Variants in TAFA1 observed in about 807,000 individuals in gnomAD.
TAFA1 encodes the protein chemokine-like protein TAFA-1.
Under a neutral mutation model 18.5 loss-of-function variants are expected in TAFA1, and 4 were observed. The observed-to-expected ratio is 0.22, with a 90% CI of 0.11 to 0.49. TAFA1 has a LOEUF of 0.49. Among genes scored for constraint, TAFA1 ranks in the 20% least tolerant of loss-of-function variants. The pLI, the probability that TAFA1 is intolerant of heterozygous loss-of-function variation, is 0.98. For missense variants in TAFA1, 147 were observed against 169.0 expected, an observed-to-expected ratio of 0.87 and a Z score of 0.72; for synonymous variants, 56 against 55.2, an observed-to-expected ratio of 1.01 and a Z score of -0.06.
chr3:68,180,015 A>T (rs78357295), intron 2 of TAFA1, among the ~76,000 whole-genome samples: 5 of 140,078 alleles, frequency 3.6e-5, no homozygotes, highest in African/African-American at 1.1e-4. Flanking sequence ...ACATAATTTT[A>T]TTATTATTAT....
intron 3 of TAFA1, among the ~76,000 whole-genome samples, chr3:68,535,949 G>A (rs527309958): frequency 3.3e-4 from 51 of 152,280 alleles, no homozygotes; most frequent in African/African-American, 1.2e-3. Context: ...GTCCACTGAG[G>A]CATTATTAGG....
At chr3:68,412,122 G>A (rs1164150242) in intron 2 of TAFA1, among the ~76,000 whole-genome samples, 1 of 152,160 alleles carries the variant, frequency 6.6e-6, no homozygotes, top group Non-Finnish European at 1.5e-5. Flanking sequence ...TGAGCCTAAG[G>A]AAGATATGGC....
intron 3 of TAFA1, among the ~76,000 whole-genome samples, chr3:68,443,321 A>G (rs895337404): frequency 6.6e-6 from 1 of 151,888 alleles, no homozygotes; most frequent in African/African-American, 2.4e-5. Flanking sequence ...ATCTGTGCCT[A>G]CTTTTCCCAA....
intron 2 of TAFA1, among the ~76,000 whole-genome samples, chr3:68,171,659 A>G (rs1240941039): frequency 6.6e-6 from 1 of 152,220 alleles, no homozygotes; most frequent in Non-Finnish European, 1.5e-5. Context: ...AGCAATTACA[A>G]ATATGTTTAA....
intron 2 of TAFA1, among the ~76,000 whole-genome samples, chr3:68,225,321 T>C (rs562438507): frequency 6.6e-6 from 1 of 152,176 alleles, no homozygotes; most frequent in Non-Finnish European, 1.5e-5. Flanking sequence ...CAACCTGCAA[T>C]GTCTAATCGG....
chr3:68,030,206 T>C (rs1559709376), intron 2 of TAFA1, among the ~76,000 whole-genome samples: 1 of 152,026 alleles, frequency 6.6e-6, no homozygotes, highest in Non-Finnish European at 1.5e-5. Flanking sequence ...AAACACATTA[T>C]AAAAATAAAA....
At chr3:68,195,213 T>C (rs1435343616) in intron 2 of TAFA1, among the ~76,000 whole-genome samples, 1 of 151,140 alleles carries the variant, frequency 6.6e-6, no homozygotes, top group Non-Finnish European at 1.5e-5. Context: ...AATATAAAAA[T>C]GGATGTTTAA....
intron 2 of TAFA1, among the ~76,000 whole-genome samples, chr3:68,248,899 G>A (rs1234116624): frequency 6.6e-6 from 1 of 151,906 alleles, no homozygotes; most frequent in African/African-American, 2.4e-5. Context: ...GTAGGAAGGC[G>A]AATATGTTGT....
upstream of TAFA1, chr3:68,004,131 G>C (rs138821112): frequency 3.3e-5 from 5 of 152,278 alleles, no homozygotes; most frequent in South Asian, 8.3e-4. Flanking sequence ...ATGTTAAAGC[G>C]CTGCTTGAGT....
At chr3:68,474,345 T>C (rs1384143261) in intron 3 of TAFA1, among the ~76,000 whole-genome samples, 1 of 152,194 alleles carries the variant, frequency 6.6e-6, no homozygotes, top group Non-Finnish European at 1.5e-5. Flanking sequence ...GAAACACTTG[T>C]CCATTCATCC....
At chr3:68,444,806 AT>A (rs2071448332) in intron 3 of TAFA1, among the ~76,000 whole-genome samples, 4 of 108,178 alleles carry the variant, frequency 3.7e-5, no homozygotes, top group Non-Finnish European at 5.8e-5. Context: ...ATATATATAT[AT>A]ATATAAAATA....
intron 2 of TAFA1, among the ~76,000 whole-genome samples, chr3:68,101,570 T>G (rs1703501381): frequency 6.6e-6 from 1 of 152,252 alleles, no homozygotes; most frequent in East Asian, 1.9e-4. Context: ...AGGCTTTGAA[T>G]GACAAGTCAA....
At chr3:68,079,362 A>T (rs976681893) in intron 2 of TAFA1, among the ~76,000 whole-genome samples, 2 of 151,968 alleles carry the variant, frequency 1.3e-5, no homozygotes, top group Non-Finnish European at 2.9e-5. Flanking sequence ...TAGCTTTTGA[A>T]TGTGTTTTCT....
intron 2 of TAFA1, among the ~76,000 whole-genome samples, chr3:68,410,718 A>AAC (rs2070699165): frequency 6.7e-6 from 1 of 148,336 alleles, no homozygotes; most frequent in African/African-American, 2.5e-5. Context: ...AAAAAAAAAA[A>AAC]AAAAAAAAAA....
At chr3:68,121,937 G>T (rs571745119) in intron 2 of TAFA1, among the ~76,000 whole-genome samples, 1 of 152,170 alleles carries the variant, frequency 6.6e-6, no homozygotes, top group South Asian at 2.1e-4. Context: ...GAGGTATTTT[G>T]CATTCATTAA....
intron 3 of TAFA1, among the ~76,000 whole-genome samples, chr3:68,428,985 G>A (rs1236080935): frequency 2.0e-5 from 3 of 151,978 alleles, no homozygotes; most frequent in Non-Finnish European, 4.4e-5. Flanking sequence ...GTTATTGTGA[G>A]AATATACTTG....
intron 2 of TAFA1, among the ~76,000 whole-genome samples, chr3:68,054,676 C>G (rs1267475716): frequency 6.6e-6 from 1 of 152,208 alleles, no homozygotes; most frequent in Non-Finnish European, 1.5e-5. Context: ...GGTGAATAGT[C>G]ATAGCACATA....
chr3:68,288,327 TA>T (rs772521781), intron 2 of TAFA1, among the ~76,000 whole-genome samples: 1 of 152,132 alleles, frequency 6.6e-6, no homozygotes. Context: ...TTTGCTAAGG[TA>T]AAGCTATCCT....
intron 2 of TAFA1, among the ~76,000 whole-genome samples, chr3:68,206,347 G>A (rs1445640587): frequency 1.3e-5 from 2 of 151,802 alleles, no homozygotes; most frequent in African/African-American, 4.8e-5. Context: ...GCCTTAAAAT[G>A]AGATAGATGT....
Sources: gnomAD v4.1 joint callset for allele counts (sites outside exome capture counted in the v4.1 genomes callset) on GRCh38, gnomAD v4.1.1 for gene constraint, MANE v1.5 for transcripts, NCBI Gene and HGNC (gene_info 2026-07-23, HGNC 2026-07-21) for gene names.